POF1B: variants seen among roughly 807,000 people sequenced by gnomAD.
The protein encoded by POF1B is protein POF1B.
A neutral mutation model predicts 55.3 loss-of-function variants in POF1B; 53 were observed. That is an observed-to-expected ratio of 0.96 (90% CI 0.77 to 1.20). The LOEUF (loss-of-function observed/expected upper bound fraction) is 1.20. Among genes scored for constraint, POF1B ranks in the 50% most tolerant of loss-of-function variants. The pLI is 0.00. For missense variants in POF1B, 478 were observed against 420.5 expected (o/e 1.14, Z -1.20); for synonymous variants, 188 against 148.3 (o/e 1.27, Z -1.95).
chrX:85,290,064 A>G (rs1159261856), intron 15 of POF1B, among the ~76,000 whole-genome samples: 1 of 111,421 alleles, frequency 9.0e-6, no homozygotes, highest in African/African-American at 3.3e-5. Context: ...CCTATCACCC[A>G]AGTAGTGAAC....
rs1433428131 is a variant in POF1B, at chrX:85,379,417, C to T, written c.38G>A (p.Ser13Asn). The T allele has an allele frequency of 1.7e-6, 2 of 1,209,181 alleles. No individual in the cohort carries two copies. The highest frequency in any genetic ancestry group is 2.2e-6 in the Non-Finnish European group (2 of 894,766). The change falls in exon 2 of 17, where the codon AGC becomes AAC. Residue 13 changes from serine (S) to asparagine (N), a missense_variant. By Grantham distance (46) the Ser-to-Asn change is conservative. Coordinates refer to ENST00000262753, the MANE Select transcript of POF1B (RefSeq NM_024921.4). ...SSYWSETSSS[S>N]CGTQQLPEVL... ...CTCTGGGAGCTGCTGGGTTCCACAG[C>T]TGCTGCTGCTCGTCTCACTCCAATA...
At chrX:85,310,430 C>T (rs1171587115) in intron 9 of POF1B, among the ~76,000 whole-genome samples, 4 of 111,420 alleles carry the variant, frequency 3.6e-5, no homozygotes, top group African/African-American at 1.3e-4. Flanking sequence ...GACAAAGAAA[C>T]AAAAACCAAA....
In POF1B at chrX:85,305,870, A is replaced by G. The variant is rs996067331; in HGVS notation, c.1358T>C (p.Met453Thr). ...CGTGTAGTGGTTGCCAATCTCATCC[A>G]TTTTAGCCTGCAACATTGGGCCTGT... Reference protein sequence around the residue: ...TCTGPMLQAKMDEIGNHYTEM... With the variant: ...TCTGPMLQAKTDEIGNHYTEM... Residue 453 changes from methionine (M) to threonine (T), a missense_variant, in exon 13 of 17, where the codon ATG (methionine) becomes ACG (threonine). Transcript: ENST00000262753. 7.4e-6 allele frequency: 9 copies of G among 1,208,208 alleles called. No individual in the cohort carries two copies. Among genetic ancestry groups the G allele is most frequent in the Non-Finnish European group, 1.0e-5 (9 of 894,071 alleles).
At chrX:85,361,397 G>A (rs1321581497) in intron 3 of POF1B, among the ~76,000 whole-genome samples, 1 of 111,799 alleles carries the variant, frequency 8.9e-6, no homozygotes, top group Non-Finnish European at 1.9e-5. Context: ...TATGGTGTAA[G>A]GAAGGGGTCC....
intron 9 of POF1B, among the ~76,000 whole-genome samples, chrX:85,312,072 T>C (rs1440575269): frequency 8.9e-6 from 1 of 112,411 alleles, no homozygotes; most frequent in Non-Finnish European, 1.9e-5. Flanking sequence ...ATTCTGGGTA[T>C]TAGCCCTTTG....
At chrX:85,300,381 A>T (rs1221930848) in intron 15 of POF1B, among the ~76,000 whole-genome samples, 1 of 112,169 alleles carries the variant, frequency 8.9e-6, no homozygotes, top group African/African-American at 3.2e-5. Flanking sequence ...TCTCAGTGAA[A>T]ACTAGGAGAC....
chrX:85,314,507 CTGT>C lies in POF1B; in HGVS notation c.883-4_883-2del. On this transcript the variant is annotated splice_acceptor_variant and splice_polypyrimidine_tract_variant and intron_variant, in intron 8 of 16. Coordinates refer to ENST00000262753, the MANE Select transcript of POF1B (RefSeq NM_024921.4). LOFTEE classifies it high-confidence loss of function. ...GAATCAATGATTCAATGTCTTCCGA[CTGT>C]AAGAAAAAAAGGCTTATCCATGGAA... The C allele has an allele frequency of 8.5e-7, 1 of 1,179,809 alleles. No individual in the cohort carries two copies. The highest frequency in any genetic ancestry group is 2.4e-5 in the Admixed American group (1 of 41,912).
chrX:85,351,171 A>C lies in POF1B; in HGVS notation c.540+179T>G, dbSNP rs73513687. ...AGTAAAATGAGGACAATAATACTTC[A>C]CATGAAAAATGGGTATGAAAGTATT... is the stretch of plus-strand genomic sequence containing the variant. On this transcript the variant is annotated intron_variant, in intron 5 of 16. Coordinates refer to ENST00000262753, the MANE Select transcript of POF1B (RefSeq NM_024921.4). 4.2e-3 allele frequency among the ~76,000 whole-genome samples: 469 copies of C among 111,068 alleles called. 4 individuals carry two copies. Among genetic ancestry groups the C allele is most frequent in the African/African-American group, 0.015 (456 of 30,707 alleles).
chrX:85,376,102 A>T (rs1195558457), intron 2 of POF1B, among the ~76,000 whole-genome samples: 3 of 111,572 alleles, frequency 2.7e-5, no homozygotes, highest in Admixed American at 1.9e-4. Flanking sequence ...AAAAATAGGC[A>T]CTTAATAAAC....
intron 7 of POF1B, among the ~76,000 whole-genome samples, chrX:85,318,201 A>G (rs769294203): frequency 4.5e-5 from 5 of 111,879 alleles, no homozygotes; most frequent in Non-Finnish European, 7.5e-5. Context: ...ACAAGCCTGT[A>G]CTTGTAATCC....
At chrX:85,356,742 C>T (rs1425791828) in intron 4 of POF1B, among the ~76,000 whole-genome samples, 2 of 111,352 alleles carry the variant, frequency 1.8e-5, no homozygotes, top group Non-Finnish European at 3.8e-5. Flanking sequence ...TTTTCTCAAC[C>T]TGTCCATTTG....
intron 2 of POF1B, among the ~76,000 whole-genome samples, chrX:85,373,989 G>A (rs981330983): frequency 8.1e-5 from 9 of 111,114 alleles, no homozygotes; most frequent in African/African-American, 6.5e-5. Flanking sequence ...TTCCACAGGA[G>A]CCCTAACATG....
At position 85,379,386 on chromosome X, in the gene POF1B, C is replaced by T; in HGVS notation, c.69G>A (p.Leu23=). The T allele has an allele frequency of 8.3e-7, 1 of 1,210,253 alleles. No homozygotes were observed. The highest frequency in any genetic ancestry group is 3.0e-5 in the East Asian group (1 of 33,768). Residue 23 remains leucine, a synonymous_variant, in exon 2 of 17, where the codon CTG becomes CTA. Coordinates refer to ENST00000262753, the MANE Select transcript of POF1B (RefSeq NM_024921.4). ...AGTGGTAATGCTGGGGCTGGCACTGCAGCACCTCTGGGAGCTGCTGGGTTC... is the reference window on the plus strand; with the variant it reads ...AGTGGTAATGCTGGGGCTGGCACTGTAGCACCTCTGGGAGCTGCTGGGTTC... The part of the protein sequence containing the change: ...SCGTQQLPEV[L]QCQPQHYHCY...
Position 85,305,879 on chromosome X carries a change from T to C in POF1B, c.1349A>G (p.Gln450Arg), listed in dbSNP as rs776808348. Reference protein sequence around the residue: ...VSETCTGPMLQAKMDEIGNHY... With the variant: ...VSETCTGPMLRAKMDEIGNHY... ...GTTGCCAATCTCATCCATTTTAGCC[T>C]GCAACATTGGGCCTGTGCAAGTCTC... Residue 450 changes from glutamine (Q) to arginine (R), a missense_variant, in exon 13 of 17, where the codon CAG (glutamine) becomes CGG (arginine). Transcript: ENST00000262753. The C allele has an allele frequency of 1.1e-5, 13 of 1,208,112 alleles. No homozygotes were observed. In the South Asian group the frequency reaches 1.9e-4, roughly 18 times the overall value.
chrX:85,375,146 A>G (rs1487046968), intron 2 of POF1B, among the ~76,000 whole-genome samples: 1 of 111,659 alleles, frequency 9.0e-6, no homozygotes, highest in Non-Finnish European at 1.9e-5. Context: ...GTCTTTAAAA[A>G]TTATGAGTAT....
Position 85,308,080 on chromosome X carries a change from C to G in POF1B, c.1050+44G>C, listed in dbSNP as rs750502129. 9 of 845,885 alleles carry G rather than the reference C, an allele frequency of 1.1e-5. No individual in the cohort carries two copies. The East Asian group carries it at 2.6e-4, about 25-fold the overall frequency. 69.7% of individuals were successfully genotyped at this position (845,885 alleles called of 1,213,427 possible). ...ACATCTTTATTTCTGTATTAGGAAG[C>G]TAGTAACTAGAAAGGCTTTGGAAAA... On this transcript the variant is annotated intron_variant, in intron 10 of 16. Transcript: ENST00000262753.
At chrX:85,344,291 C>T (rs1213328730) in intron 6 of POF1B, among the ~76,000 whole-genome samples, 1 of 111,290 alleles carries the variant, frequency 9.0e-6, no homozygotes, top group Non-Finnish European at 1.9e-5. Flanking sequence ...ATGTGATTCT[C>T]TCTTCCTAGG....
At chrX:85,297,206 A>C (rs1256150495) in intron 15 of POF1B, among the ~76,000 whole-genome samples, 1 of 111,967 alleles carries the variant, frequency 8.9e-6, no homozygotes, top group African/African-American at 3.2e-5. Flanking sequence ...CCAGATTCTG[A>C]ACTTTATGGC....
chrX:85,281,961 ATCT>A (rs761737696), intron 16 of POF1B, among the ~76,000 whole-genome samples: 34 of 110,676 alleles, frequency 3.1e-4, no homozygotes, highest in Non-Finnish European at 6.1e-4. Flanking sequence ...ACTAATGTTA[ATCT>A]TCTTCCTTTT....
Sources: gnomAD v4.1 joint callset for allele counts (sites outside exome capture counted in the v4.1 genomes callset) on GRCh38, gnomAD v4.1.1 for gene constraint, MANE v1.5 for transcripts, NCBI Gene and HGNC (gene_info 2026-07-23, HGNC 2026-07-21) for gene names.